DMXL1: variants seen among roughly 807,000 people sequenced by gnomAD.
DMXL1 encodes dmX-like protein 1.
In DMXL1, 99 loss-of-function variants were observed where a neutral mutation model predicts 319.2. The ratio of observed to expected loss-of-function variants is 0.31; its 90% CI spans 0.26 to 0.37. The LOEUF is 0.37. Ranked by LOEUF, DMXL1 falls within the 10% of genes least tolerant of loss-of-function variation. The pLI is 1.00. For missense variants in DMXL1, 3,745 were observed against 3,595.6 expected, an observed-to-expected ratio of 1.04 and a Z score of -1.06; for synonymous variants, 1,385 against 1,235.2, an observed-to-expected ratio of 1.12 and a Z score of -2.54.
chr5:119,098,177 A>G lies in DMXL1; in HGVS notation c.213+73A>G, dbSNP rs538285208. On this transcript the variant is annotated intron_variant, in intron 2 of 43. Transcript: ENST00000539542. ...TGTCAGGATAATCTCTGAAGTGTGT[A>G]TTTCCTATTGAATTAGAGACTTGGC... is the stretch of plus-strand genomic sequence containing the variant. 2.7e-5 allele frequency: 40 copies of G among 1,499,322 alleles called. 1 individual carries two copies. The South Asian group carries it at 4.7e-4, about 18-fold the overall frequency. The allele number at this position is 1,499,322 out of a possible 1,614,324, so 92.9% of individuals were successfully genotyped here. A position where few individuals can be genotyped will look rare whatever the true frequency, so the allele number is the denominator to read the frequency against.
At position 119,143,947 on chromosome 5, in the gene DMXL1, G is replaced by A. The variant is rs780511389; in HGVS notation, c.2466+17G>A. ...ACCAAACTTGTAAGTATTAATTTTG[G>A]GGGGGAGGTATATTAAAAAAAAGTT... On this transcript the variant is annotated intron_variant, in intron 14 of 43. Coordinates refer to ENST00000539542, the MANE Select transcript of DMXL1 (RefSeq NM_001290321.3). 3.1e-5 allele frequency: 46 copies of A among 1,474,782 alleles called. No individual in the cohort carries two copies. The Middle Eastern group carries it at 1.1e-3, about 34-fold the overall frequency. 91.4% of individuals were successfully genotyped at this position (1,474,782 alleles called of 1,614,324 possible).
intron 32 of DMXL1, among the ~76,000 whole-genome samples, chr5:119,202,864 CATATATATATATATATATTTTTATATAT>C (rs1317603714): frequency 1.3e-5 from 1 of 74,310 alleles, no homozygotes; most frequent in South Asian, 5.2e-4. Context: ...AATATACATA[CATATATATATATATATATTTTTATATAT>C]ATATATATAT....
In DMXL1 at chr5:119,150,157, G is replaced by A. The variant is rs774458117; in HGVS notation, c.4330G>A (p.Asp1444Asn). ...AAACCAATTATCTAAAGAAAGTTAT[G>A]ATGAGCTTTTTCAGACTCAACTTCT... ...KSNQLSKESY[D>N]ELFQTQLLMT... is the part of the protein sequence containing the mutation. The change falls in exon 18 of 44, where the codon GAT becomes AAT. Residue 1444 changes from aspartate to asparagine, a missense_variant. Around this residue, in one of 4 missense-constraint regions of DMXL1, gnomAD observed 2,096 missense variants for 1,985.4 expected, o/e 1.06. Coordinates refer to ENST00000539542, the MANE Select transcript of DMXL1 (RefSeq NM_001290321.3). 1.9e-6 allele frequency: 3 copies of A among 1,613,774 alleles called. No individual in the cohort carries two copies. The highest frequency in any genetic ancestry group is 2.2e-5 in the South Asian group (2 of 91,044).
chr5:119,213,752 G>C (rs1293768860), intron 34 of DMXL1, among the ~76,000 whole-genome samples: 2 of 151,894 alleles, frequency 1.3e-5, no homozygotes, highest in African/African-American at 4.8e-5. Context: ...ATTATCTCCA[G>C]CCCACTCCAC....
chr5:119,120,603 A>G (rs762180214), intron 8 of DMXL1, among the ~76,000 whole-genome samples: 5 of 152,274 alleles, frequency 3.3e-5, no homozygotes, highest in African/African-American at 7.2e-5. Context: ...GGAGTTAGCT[A>G]TAGACAAAAG....
At chr5:119,076,927 G>A (rs1172887453) in intron 1 of DMXL1, among the ~76,000 whole-genome samples, 1 of 152,234 alleles carries the variant, frequency 6.6e-6, no homozygotes, top group Admixed American at 6.5e-5. Context: ...AATGTTGTAT[G>A]TGCCTAATAG....
chr5:119,244,820 C>G (rs1481303438), intron 43 of DMXL1, among the ~76,000 whole-genome samples: 1 of 152,166 alleles, frequency 6.6e-6, no homozygotes, highest in East Asian at 1.9e-4. Flanking sequence ...TGAATATAAA[C>G]ATAATTCAGA....
chr5:119,242,844 G>A (rs1789084763), intron 42 of DMXL1, among the ~76,000 whole-genome samples: 1 of 152,174 alleles, frequency 6.6e-6, no homozygotes, highest in African/African-American at 2.4e-5. Flanking sequence ...AGGCAATTCA[G>A]TGGAGAAACG....
chr5:119,178,582 C>T, intron 28 of DMXL1: 10 of 984,736 alleles, frequency 1.0e-5, no homozygotes, highest in Non-Finnish European at 1.2e-5. Flanking sequence ...CAGGAAGGCA[C>T]TTTGCTATGC....
intron 1 of DMXL1, among the ~76,000 whole-genome samples, chr5:119,084,587 G>T (rs1484482321): frequency 2.6e-5 from 4 of 152,060 alleles, no homozygotes; most frequent in African/African-American, 9.7e-5. Flanking sequence ...TCCTTGGCTG[G>T]GTGCTGTGGC....
chr5:119,172,020 T>C, intron 25 of DMXL1, 51 bp downstream of exon 25: 1 of 1,470,130 alleles, frequency 6.8e-7, no homozygotes, highest in South Asian at 1.4e-5. Context: ...ATGATAAAAC[T>C]ACAAGATAAA....
At chr5:119,084,763 G>A (rs989456438) in intron 1 of DMXL1, among the ~76,000 whole-genome samples, 2 of 151,790 alleles carry the variant, frequency 1.3e-5, no homozygotes, top group African/African-American at 4.8e-5. Context: ...TACTCGGGAG[G>A]CGAGGCAGGA....
Position 119,122,626 on chromosome 5 carries a change from C to A in DMXL1, c.1102+1487C>A, listed in dbSNP as rs192341932. 7.4e-4 allele frequency among the ~76,000 whole-genome samples: 108 copies of A among 145,918 alleles called. 2 individuals are homozygous for A. Among genetic ancestry groups the A allele is most frequent in the African/African-American group, 2.6e-3 (102 of 39,214 alleles). On this transcript the variant is annotated intron_variant, in intron 9 of 43. Transcript: ENST00000539542. ...GCAGAGGGTCTCCTCACTTCTCAGA[C>A]GGGGCGGCCGGGCAGAGACGCCCTT... is the stretch of plus-strand genomic sequence containing the variant.
At chr5:119,193,620 GA>G (rs1475215116) in intron 29 of DMXL1, among the ~76,000 whole-genome samples, 1 of 151,964 alleles carries the variant, frequency 6.6e-6, no homozygotes, top group East Asian at 1.9e-4. Flanking sequence ...CCGCACAGTG[GA>G]TACTTAATAA....
At chr5:119,189,675 T>A in intron 28 of DMXL1, 33 bp from the exon 29 acceptor site, 1 of 1,593,368 alleles carries the variant, frequency 6.3e-7, no homozygotes, top group Non-Finnish European at 8.6e-7. Context: ...ATGAAAATAG[T>A]ACTTCAGTAA....
intron 26 of DMXL1, 75 bp downstream of exon 26, chr5:119,175,412 T>TA: frequency 1.2e-5 from 12 of 1,041,912 alleles, no homozygotes; most frequent in Non-Finnish European, 1.7e-5. Flanking sequence ...GTTAGTGGTT[T>TA]AGAACTATAT....
intron 32 of DMXL1, among the ~76,000 whole-genome samples, chr5:119,202,054 GTGTCTCAATTTC>G: frequency 6.6e-6 from 1 of 152,120 alleles, no homozygotes; most frequent in Admixed American, 6.5e-5. Context: ...ATGGTTTTGT[GTGTCTCAATTTC>G]TTTCATTTCA....
chr5:119,192,281 G>A (rs1041406770), intron 29 of DMXL1, among the ~76,000 whole-genome samples: 5 of 152,184 alleles, frequency 3.3e-5, no homozygotes, highest in South Asian at 2.1e-4. Context: ...ACCTTTTCTC[G>A]AGTTTTACTC....
chr5:119,226,246 T>C (rs1413925059), intron 38 of DMXL1, among the ~76,000 whole-genome samples: 3 of 152,164 alleles, frequency 2.0e-5, no homozygotes, highest in Non-Finnish European at 4.4e-5. Context: ...TAAAAGCTAA[T>C]TACTGGATTT....
Sources: allele counts gnomAD v4.1 joint callset (sites outside exome capture counted in the v4.1 genomes callset), GRCh38; gene constraint gnomAD v4.1.1; regional missense constraint gnomAD v4.1.1; transcripts MANE v1.5; gene names NCBI Gene and HGNC (gene_info 2026-07-23, HGNC 2026-07-21).